The following NGFR variants were observed in gnomAD, a reference collection of about 807,000 sequenced individuals.
NGFR encodes the protein nerve growth factor receptor.
NGFR carries 30 observed loss-of-function variants against 43.2 expected under a neutral mutation model. That is an observed-to-expected ratio of 0.69 (90% CI 0.52 to 0.94). The LOEUF (loss-of-function observed/expected upper bound fraction) is 0.94. Ranked by LOEUF, NGFR falls within the 40% of genes least tolerant of loss-of-function variation. The pLI is 0.00. For missense variants in NGFR, 529 were observed against 602.5 expected (o/e 0.88, Z 1.28); for synonymous variants, 246 against 259.6 (o/e 0.95, Z 0.50).
chr17:49,512,198 G>A lies in NGFR; in HGVS notation c.982+146G>A. On this transcript the variant is annotated intron_variant, in intron 5 of 5. Transcript: ENST00000172229. This position sits in a 1 kb window ranked among gnomAD's most constrained non-coding sequence, Gnocchi z 5.2. ...GTAGATGGATGGAGAGGCTGGCCGA[G>A]GGGAATGGGAGGGAGAGGTCCTCTC... 6.7e-6 allele frequency: 7 copies of A among 1,047,852 alleles called. No homozygotes were observed. Among genetic ancestry groups the A allele is most frequent in the Non-Finnish European group, 9.4e-6 (7 of 747,014 alleles). The allele number at this position is 1,047,852 out of a possible 1,614,324, so 64.9% of individuals were successfully genotyped here.
chr17:49,513,016 C>G lies in NGFR; in HGVS notation c.*7C>G, dbSNP rs1490616814. 3 of 1,522,542 alleles carry G rather than the reference C, an allele frequency of 2.0e-6. No homozygotes were observed. The highest frequency in any genetic ancestry group is 2.7e-5 in the African/African-American group (2 of 73,020). 94.3% of individuals were successfully genotyped at this position (1,522,542 alleles called of 1,614,324 possible). ...TGCCACATCCCCGGTGTGAGCCCAA[C>G]CGGGGAGCCCCCGCCCCGCCCCACA... On this transcript the variant is annotated 3_prime_UTR_variant, in exon 6 of 6. Coordinates refer to ENST00000172229, the MANE Select transcript of NGFR (RefSeq NM_002507.4).
In NGFR at chr17:49,506,571, G is replaced by T; in HGVS notation, c.481G>T (p.Val161Leu). ...DGTYSDEANH[V>L]DPCLPCTVCE... ...CACGTATTCCGACGAGGCCAACCAC[G>T]TGGACCCGTGCCTGCCCTGCACCGT... The change falls in exon 3 of 6, where the codon GTG (valine) becomes TTG (leucine). Residue 161 changes from valine (V) to leucine (L), a missense_variant. Physicochemically the swap from Val to Leu is conservative, Grantham distance 32. Coordinates refer to ENST00000172229, the MANE Select transcript of NGFR (RefSeq NM_002507.4). 6.2e-7 allele frequency: 1 copy of T among 1,611,248 alleles called. No individual in the cohort carries two copies. The highest frequency in any genetic ancestry group is 8.5e-7 in the Non-Finnish European group (1 of 1,179,504).
chr17:49,510,827 G>T (rs1229114571), intron 4 of NGFR, 163 bp downstream of exon 4: 1 of 845,002 alleles, frequency 1.2e-6, no homozygotes. Context: ...CAGCAGGTCA[G>T]CAGGAGGTGA....
intron 1 of NGFR, chr17:49,497,483 G>A (rs2071145460): frequency 6.6e-6 from 1 of 152,382 alleles, no homozygotes; most frequent in African/African-American, 2.4e-5. Context: ...CCCGCGCGAA[G>A]ACCCAAGGAA....
Position 49,512,419 on chromosome 17 carries a change from A to C in NGFR, c.983-289A>C, listed in dbSNP as rs957000546. Among the ~76,000 whole-genome samples, 1 of 152,120 alleles carries C rather than the reference A, an allele frequency of 6.6e-6. No homozygotes were observed. The highest frequency in any genetic ancestry group is 2.4e-5 in the African/African-American group (1 of 41,412). On this transcript the variant is annotated intron_variant, in intron 5 of 5. Transcript: ENST00000172229. This position sits in a 1 kb window ranked among gnomAD's most constrained non-coding sequence, Gnocchi z 5.2. ...AGCCCAGCTCCGGGACACTTGCTGT[A>C]GTTGTCTAGAACTGAGAAGCCCTAT...
intron 2 of NGFR, among the ~76,000 whole-genome samples, chr17:49,503,982 G>A (rs2071181997): frequency 6.6e-6 from 1 of 152,106 alleles, no homozygotes; most frequent in Admixed American, 6.5e-5. Flanking sequence ...GCAGAGAGGT[G>A]GCTTTGAGAA....
At position 49,510,460 on chromosome 17, in the gene NGFR, A is replaced by G; in HGVS notation, c.617A>G (p.Asp206Gly). The G allele has an allele frequency of 6.2e-7, 1 of 1,614,066 alleles. No homozygotes were observed. The highest frequency in any genetic ancestry group is 8.5e-7 in the Non-Finnish European group (1 of 1,180,012). The change falls in exon 4 of 6, where the codon GAC (aspartate) becomes GGC (glycine). Residue 206 changes from aspartate to glycine, a missense_variant. Asp to Gly is a moderately conservative substitution (Grantham distance 94, BLOSUM62 -1). Transcript: ENST00000172229. Reference protein sequence around the residue: ...ITRSTPPEGSDSTAPSTQEPE... With the variant: ...ITRSTPPEGSGSTAPSTQEPE... ...CGGTCCACACCCCCAGAGGGCTCGGACAGCACAGCCCCCAGCACCCAGGAG... is the reference window on the plus strand; with the variant it reads ...CGGTCCACACCCCCAGAGGGCTCGGGCAGCACAGCCCCCAGCACCCAGGAG...
At chr17:49,502,018 C>CCCCCCCCAAA in intron 1 of NGFR, 45 bp from the exon 2 acceptor site, 6 of 1,320,338 alleles carry the variant, frequency 4.5e-6, no homozygotes, top group South Asian at 3.5e-5. Flanking sequence ...CAACCCACCC[C>CCCCCCCCAAA]AGCTTTCTCT....
Position 49,512,045 on chromosome 17 carries a change from G to C in NGFR, c.975G>C (p.Ser325=). ...AGCAGCCCCACACGCAGACAGCCTC[G>C]GGCCAGGGTGAGCAGCGGCCCGCTG... is the stretch of plus-strand genomic sequence containing the variant. The part of the protein sequence containing the change: ...HDQQPHTQTA[S]GQALKGDGGL... Residue 325 remains serine, a synonymous_variant, in exon 5 of 6, where the codon TCG becomes TCC. Coordinates refer to ENST00000172229, the MANE Select transcript of NGFR (RefSeq NM_002507.4). This position sits in a 1 kb window ranked among gnomAD's most constrained non-coding sequence, Gnocchi z 5.2. 3.7e-6 allele frequency: 6 copies of C among 1,613,126 alleles called. No homozygotes were observed. Among genetic ancestry groups the C allele is most frequent in the Non-Finnish European group, 4.2e-6 (5 of 1,179,634 alleles).
At chr17:49,509,036 C>T (rs1367530853) in intron 3 of NGFR, among the ~76,000 whole-genome samples, 1 of 152,200 alleles carries the variant, frequency 6.6e-6, no homozygotes, top group Non-Finnish European at 1.5e-5. Flanking sequence ...CAATGCTCCA[C>T]CTGGGGCTGC....
At chr17:49,502,835 C>T (rs1307836079) in intron 2 of NGFR, among the ~76,000 whole-genome samples, 1 of 136,880 alleles carries the variant, frequency 7.3e-6, no homozygotes, top group Non-Finnish European at 1.6e-5. Flanking sequence ...TTCCTTCCTT[C>T]CTTCCTTCCT....
intron 2 of NGFR, among the ~76,000 whole-genome samples, chr17:49,504,352 CA>C (rs1336263771): frequency 6.6e-6 from 1 of 152,200 alleles, no homozygotes; most frequent in East Asian, 1.9e-4. Context: ...ATAGCTCAGA[CA>C]TCCTGCCTTT....
rs1379752466 is a variant in NGFR at position 49,513,344 on chromosome 17, A to G, written c.*335A>G. ...CCTCCCACCACAGCAGGTGTCATAT[A>G]TGGGGGGCCAACACCAGGGATGGTA... On this transcript the variant is annotated 3_prime_UTR_variant, in exon 6 of 6. Coordinates refer to ENST00000172229, the MANE Select transcript of NGFR (RefSeq NM_002507.4). 6.7e-6 allele frequency: 2 copies of G among 300,094 alleles called. No homozygotes were observed. The highest frequency in any genetic ancestry group is 1.3e-4 in the East Asian group (2 of 15,350). The allele number at this position is 300,094 out of a possible 1,614,324, so 18.6% of individuals were successfully genotyped here.
chr17:49,512,032 C>A lies in NGFR; in HGVS notation c.962C>A (p.Thr321Lys). 1 of 1,613,570 alleles carries A rather than the reference C, an allele frequency of 6.2e-7. No individual in the cohort carries two copies. Among genetic ancestry groups the A allele is most frequent in the African/African-American group, 1.3e-5 (1 of 75,056 alleles). Residue 321 changes from threonine (T) to lysine (K), a missense_variant, in exon 5 of 6, where the codon ACG becomes AAG. Thr to Lys is a moderately conservative substitution (Grantham distance 78). Coordinates refer to ENST00000172229, the MANE Select transcript of NGFR (RefSeq NM_002507.4). The surrounding 1 kb of genome is among the most constrained non-coding windows in gnomAD (Gnocchi z 5.2). ...AGCCTGCATGACCAGCAGCCCCACA[C>A]GCAGACAGCCTCGGGCCAGGGTGAG... is the stretch of plus-strand genomic sequence containing the variant. The part of the protein sequence containing the change: ...SQSLHDQQPH[T>K]QTASGQALKG...
In NGFR at chr17:49,498,049, T is replaced by G. The variant is rs113487460; in HGVS notation, c.66+2566T>G. On this transcript the variant is annotated intron_variant, in intron 1 of 5. Transcript: ENST00000172229. ...AAGGTCCTAGCAAGGTGAATTTAGTTATTCCCACTTCGCAGTTGAGGAAAC... is the reference window on the plus strand; with the variant it reads ...AAGGTCCTAGCAAGGTGAATTTAGTGATTCCCACTTCGCAGTTGAGGAAAC... Among the ~76,000 whole-genome samples the G allele has an allele frequency of 9.3e-3, 1,415 of 152,314 alleles. 25 individuals are homozygous for G. Among genetic ancestry groups the G allele is most frequent in the African/African-American group, 0.031 (1,291 of 41,552 alleles).
In NGFR at chr17:49,512,200, G is replaced by T. The variant is rs1426927540; in HGVS notation, c.982+148G>T. The T allele has an allele frequency of 3.0e-6, 3 of 1,001,072 alleles. No homozygotes were observed. Among genetic ancestry groups the T allele is most frequent in the Non-Finnish European group, 4.3e-6 (3 of 705,122 alleles). 62.0% of individuals were successfully genotyped at this position (1,001,072 alleles called of 1,614,324 possible). On this transcript the variant is annotated intron_variant, in intron 5 of 5. Coordinates refer to ENST00000172229, the MANE Select transcript of NGFR (RefSeq NM_002507.4). The surrounding 1 kb of genome is among the most constrained non-coding windows in gnomAD (Gnocchi z 5.2). ...AGATGGATGGAGAGGCTGGCCGAGG[G>T]GAATGGGAGGGAGAGGTCCTCTCTA...
intron 1 of NGFR, 61 bp from the exon 2 acceptor site, chr17:49,502,002 C>CGGG: frequency 3.7e-6 from 1 of 269,490 alleles, no homozygotes; most frequent in East Asian, 8.2e-5. Flanking sequence ...CCGGAAGAAC[C>CGGG]CCCCCCAACC....
Position 49,506,558 on chromosome 17 carries a change from C to A in NGFR, c.468C>A (p.Asp156Glu). Residue 156 changes from aspartate to glutamate, a missense_variant, in exon 3 of 6, where the codon GAC becomes GAA. Asp to Glu is a conservative substitution (Grantham distance 45, BLOSUM62 2). Transcript: ENST00000172229. Reference sequence around the variant, plus strand: ...AGTGCCCCGACGGCACGTATTCCGACGAGGCCAACCACGTGGACCCGTGCC... The same window carrying A: ...AGTGCCCCGACGGCACGTATTCCGAAGAGGCCAACCACGTGGACCCGTGCC... ...CEECPDGTYS[D>E]EANHVDPCLP... The A allele has an allele frequency of 1.2e-6, 2 of 1,611,608 alleles. No homozygotes were observed. Among genetic ancestry groups the A allele is most frequent in the Non-Finnish European group, 1.7e-6 (2 of 1,179,570 alleles).
In NGFR at chr17:49,495,481, G is replaced by C. The variant is rs2071133186; in HGVS notation, c.64G>C (p.Gly22Arg). 1 of 1,237,124 alleles carries C rather than the reference G, an allele frequency of 8.1e-7. No individual in the cohort carries two copies. Among genetic ancestry groups the C allele is most frequent in the African/African-American group, 1.5e-5 (1 of 64,684 alleles). 76.6% of individuals were successfully genotyped at this position (1,237,124 alleles called of 1,614,324 possible). A position where few individuals can be genotyped will look rare whatever the true frequency, so the allele number is the denominator to read the frequency against. The change falls in exon 1 of 6, where the codon GGG (glycine) becomes CGG (arginine). Residue 22 changes from glycine (G) to arginine (R), a missense_variant and splice_region_variant. By Grantham distance (125) the Gly-to-Arg change is moderately radical. Coordinates refer to ENST00000172229, the MANE Select transcript of NGFR (RefSeq NM_002507.4). The surrounding 1 kb of genome is among the most constrained non-coding windows in gnomAD (Gnocchi z 6.4). Reference sequence around the variant, plus strand: ...GCGCCTGCTGCTGTTGCTGCTTCTGGGGGTGAGTGTTAGCCGGAGGGGGCC... The same window carrying C: ...GCGCCTGCTGCTGTTGCTGCTTCTGCGGGTGAGTGTTAGCCGGAGGGGGCC... ...GPRLLLLLLL[G>R]VSLGGAKEAC...
Sources: allele counts gnomAD v4.1 joint callset (sites outside exome capture counted in the v4.1 genomes callset), GRCh38; gene constraint gnomAD v4.1.1; non-coding constraint Gnocchi (gnomAD v3.1); transcripts MANE v1.5; gene names NCBI Gene and HGNC (gene_info 2026-07-23, HGNC 2026-07-21).